Variants in NR3C2 observed in about 807,000 individuals in gnomAD.
The protein encoded by NR3C2 is nuclear receptor subfamily 3 group C member 2, also known as mineralocorticoid receptor.
Under a neutral mutation model 86.4 loss-of-function variants are expected in NR3C2, and 15 were observed. The ratio of observed to expected loss-of-function variants is 0.17; its 90% confidence interval spans 0.12 to 0.27. NR3C2 has a LOEUF of 0.27. Among genes scored for constraint, NR3C2 ranks in the 10% least tolerant of loss-of-function variants. The pLI, the probability that NR3C2 is intolerant of heterozygous loss-of-function variation, is 1.00. For missense variants in NR3C2, 960 were observed against 1,195.6 expected (o/e 0.80, Z 2.91); for synonymous variants, 458 against 450.5 (o/e 1.02, Z -0.21).
intron 8 of NR3C2, among the ~76,000 whole-genome samples, chr4:148,098,614 A>G (rs750182096): frequency 3.3e-5 from 5 of 152,236 alleles, no homozygotes; most frequent in Admixed American, 2.0e-4. Context: ...ACTGCTCTGC[A>G]CATCTGGGAA....
chr4:148,444,733 G>A (rs1408380048), upstream of NR3C2: 1 of 985,170 alleles, frequency 1.0e-6, no homozygotes, highest in Non-Finnish European at 1.2e-6. Flanking sequence ...GCGAGGCAGC[G>A]GCGCCAAATC....
intron 1 of NR3C2, among the ~76,000 whole-genome samples, chr4:148,437,338 C>T (rs1052502933): frequency 6.6e-6 from 1 of 152,138 alleles, no homozygotes; most frequent in African/African-American, 2.4e-5. Flanking sequence ...TAGAAGCTGC[C>T]TTCCATATTT....
chr4:148,136,087 A>AAAAAAAAAAC (rs1560940053), intron 6 of NR3C2, among the ~76,000 whole-genome samples: 4 of 79,254 alleles, frequency 5.0e-5, no homozygotes, highest in African/African-American at 1.7e-4. Context: ...CAAAAAAAAA[A>AAAAAAAAAAC]AACACCACCA....
chr4:148,222,034 A>C (rs775291356), intron 3 of NR3C2, among the ~76,000 whole-genome samples: 1 of 152,120 alleles, frequency 6.6e-6, no homozygotes, highest in East Asian at 1.9e-4. Context: ...TATAATATGT[A>C]AAGATCTTGT....
intron 6 of NR3C2, among the ~76,000 whole-genome samples, chr4:148,144,301 C>T (rs972357965): frequency 6.6e-6 from 1 of 152,106 alleles, no homozygotes; most frequent in African/African-American, 2.4e-5. Context: ...CTCCTGGTTG[C>T]TCAAGTGATC....
intron 8 of NR3C2, among the ~76,000 whole-genome samples, chr4:148,110,865 G>C (rs1244421140): frequency 1.3e-5 from 2 of 152,116 alleles, no homozygotes; most frequent in Non-Finnish European, 2.9e-5. Flanking sequence ...CCAAGACACA[G>C]GCTATCAGTG....
chr4:148,264,893 T>A (rs1279800482), intron 2 of NR3C2, among the ~76,000 whole-genome samples: 5 of 152,202 alleles, frequency 3.3e-5, no homozygotes, highest in Admixed American at 3.3e-4. Context: ...AAATCTTTTT[T>A]ACATTGATAT....
chr4:148,404,862 A>C (rs1748334851), intron 2 of NR3C2, among the ~76,000 whole-genome samples: 1 of 152,270 alleles, frequency 6.6e-6, no homozygotes, highest in Admixed American at 6.5e-5. Context: ...ATTATAATCA[A>C]ATTTAACTGA....
chr4:148,390,839 C>T (rs1747509921), intron 2 of NR3C2, among the ~76,000 whole-genome samples: 1 of 152,072 alleles, frequency 6.6e-6, no homozygotes, highest in African/African-American at 2.4e-5. Context: ...TATGTCTGCT[C>T]ATAATATGAC....
At chr4:148,111,345 G>A (rs1732038815) in intron 8 of NR3C2, among the ~76,000 whole-genome samples, 1 of 152,222 alleles carries the variant, frequency 6.6e-6, no homozygotes, top group Non-Finnish European at 1.5e-5. Flanking sequence ...GCAAGGGTAT[G>A]GAGCAATCTG....
chr4:148,394,613 G>A lies in NR3C2; in HGVS notation c.1757+40491C>T, dbSNP rs564822864. Among the ~76,000 whole-genome samples, 6 of 152,176 alleles carry A rather than the reference G, an allele frequency of 3.9e-5. No individual in the cohort carries two copies. In the South Asian group the frequency reaches 1.2e-3, roughly 32 times the overall value. ...AGGCTAAGGTGGGAGGATCACTTGA[G>A]CCTGGGAGGTCAAGGTTGCAGTGAG... On this transcript the variant is annotated intron_variant, in intron 2 of 8. Coordinates refer to ENST00000358102, the MANE Select transcript of NR3C2 (RefSeq NM_000901.5).
chr4:148,419,487 G>C (rs1460752876), intron 2 of NR3C2, among the ~76,000 whole-genome samples: 1 of 152,182 alleles, frequency 6.6e-6, no homozygotes, highest in Non-Finnish European at 1.5e-5. Context: ...CAGGCCCTCA[G>C]TGAAAAGGCC....
chr4:148,097,219 G>A lies in NR3C2; in HGVS notation c.2800-15720C>T, dbSNP rs561515099. On this transcript the variant is annotated intron_variant, in intron 8 of 8. Transcript: ENST00000358102. ...GGTTCCAGAATTTGTCATTCAAATA[G>A]ACAACCTCTGTCATACATGTCTCAC... is the stretch of plus-strand genomic sequence containing the variant. 9.9e-5 allele frequency among the ~76,000 whole-genome samples: 15 copies of A among 152,258 alleles called. No homozygotes were observed. In the East Asian group the frequency reaches 2.9e-3, roughly 29 times the overall value.
chr4:148,137,868 G>C (rs994619071), intron 6 of NR3C2, among the ~76,000 whole-genome samples: 10 of 151,986 alleles, frequency 6.6e-5, no homozygotes, highest in African/African-American at 2.4e-4. Flanking sequence ...TTTGCAAACA[G>C]GCAAAACAAT....
rs923569922 is a variant in NR3C2, at chr4:148,247,166, C to T, written c.1897+12812G>A. Among the ~76,000 whole-genome samples the T allele has an allele frequency of 2.0e-5, 3 of 152,266 alleles. 1 individual carries two copies. The highest frequency in any genetic ancestry group is 4.2e-4 in the South Asian group (2 of 4,812). On this transcript the variant is annotated intron_variant, in intron 3 of 8. Coordinates refer to ENST00000358102, the MANE Select transcript of NR3C2 (RefSeq NM_000901.5). Reference sequence around the variant, plus strand: ...AGAAACATACTTTCATGTTACTTTTCGATGTGCCACCTCACGATGGGAAAT... The same window carrying T: ...AGAAACATACTTTCATGTTACTTTTTGATGTGCCACCTCACGATGGGAAAT...
At chr4:148,244,444 T>C (rs1239465187) in intron 3 of NR3C2, among the ~76,000 whole-genome samples, 6 of 152,250 alleles carry the variant, frequency 3.9e-5, no homozygotes, top group Non-Finnish European at 8.8e-5. Flanking sequence ...GCAATGGCTC[T>C]GAAGTCAGAT....
chr4:148,210,557 G>A (rs1737234227), intron 3 of NR3C2, among the ~76,000 whole-genome samples: 1 of 152,130 alleles, frequency 6.6e-6, no homozygotes, highest in South Asian at 2.1e-4. Context: ...ATTAAGACAA[G>A]GTAATTTCCT....
upstream of NR3C2, among the ~76,000 whole-genome samples, chr4:148,443,510 C>T (rs1169883910): frequency 6.6e-6 from 1 of 152,128 alleles, no homozygotes; most frequent in African/African-American, 2.4e-5. Flanking sequence ...GAAGAAATTT[C>T]GGTTTCCCTC....
At chr4:148,363,714 A>G (rs1745969742) in intron 2 of NR3C2, among the ~76,000 whole-genome samples, 1 of 152,088 alleles carries the variant, frequency 6.6e-6, no homozygotes, top group African/African-American at 2.4e-5. Context: ...TGTGTTAGCC[A>G]GGATGGTCTC....
Sources: gnomAD v4.1 joint callset for allele counts (sites outside exome capture counted in the v4.1 genomes callset) on GRCh38, gnomAD v4.1.1 for gene constraint, MANE v1.5 for transcripts, NCBI Gene and HGNC (gene_info 2026-07-23, HGNC 2026-07-21) for gene names.